Variants in FAM120B observed in about 807,000 individuals in gnomAD.
The protein encoded by FAM120B is family with sequence similarity 120 member B.
A neutral mutation model predicts 96.3 loss-of-function variants in FAM120B; 83 were observed. The observed-to-expected ratio is 0.86, with a 90% CI of 0.72 to 1.03. FAM120B has a LOEUF of 1.03. Among genes scored for constraint, FAM120B ranks in the 50% least tolerant of loss-of-function variants. FAM120B has a pLI of 0.00. For synonymous variants in FAM120B, 407 were observed against 402.7 expected (o/e 1.01, Z -0.13); for missense variants, 1,027 against 1,121.2 (o/e 0.92, Z 1.20).
chr6:170,399,946 G>GA, intron 9 of FAM120B, among the ~76,000 whole-genome samples: 2 of 102,538 alleles, frequency 2.0e-5, no homozygotes. Context: ...AGGAGTGAGT[G>GA]GGGAAGGTAG....
chr6:170,355,170 A>G (rs569930553), intron 5 of FAM120B, among the ~76,000 whole-genome samples: 1 of 152,344 alleles, frequency 6.6e-6, no homozygotes, highest in South Asian at 2.1e-4. Context: ...GTGATTCCTC[A>G]GAGACCTAGA....
intron 6 of FAM120B, among the ~76,000 whole-genome samples, chr6:170,384,561 A>C (rs1226168643): frequency 6.6e-6 from 1 of 152,222 alleles, no homozygotes; most frequent in Non-Finnish European, 1.5e-5. Flanking sequence ...ACATTTGAGA[A>C]GAAAGGTCAG....
At chr6:170,333,853 C>A (rs1786235308) in intron 4 of FAM120B, among the ~76,000 whole-genome samples, 1 of 151,322 alleles carries the variant, frequency 6.6e-6, no homozygotes, top group African/African-American at 2.5e-5. Context: ...CATTTCATTT[C>A]TTTTACAATA....
intron 6 of FAM120B, among the ~76,000 whole-genome samples, chr6:170,387,972 A>G (rs1026646276): frequency 3.9e-5 from 6 of 152,162 alleles, no homozygotes; most frequent in Non-Finnish European, 8.8e-5. Flanking sequence ...CTGGGAGGCA[A>G]GAGACACTGT....
At chr6:170,323,714 G>C (rs966651711) in intron 3 of FAM120B, among the ~76,000 whole-genome samples, 3 of 152,034 alleles carry the variant, frequency 2.0e-5, no homozygotes, top group Non-Finnish European at 4.4e-5. Context: ...TTTTCCTTTG[G>C]TGTTTTTGTA....
At chr6:170,401,512 C>T (rs969763450) in intron 9 of FAM120B, among the ~76,000 whole-genome samples, 6 of 152,066 alleles carry the variant, frequency 3.9e-5, no homozygotes, top group African/African-American at 1.4e-4. Flanking sequence ...ACAGAAAGGG[C>T]CAGGGAGCAG....
chr6:170,405,439 G>A lies in FAM120B; in HGVS notation c.*688G>A, dbSNP rs1778771831. ...GGTCAGAGAAGCTGGATGAGGGGCT[G>A]ATTCATGTCCTGGGCATGACAGAGC... On this transcript the variant is annotated 3_prime_UTR_variant, in exon 11 of 11. Transcript: ENST00000476287. 6.6e-6 allele frequency: 1 copy of A among 152,212 alleles called. No homozygotes were observed. Among genetic ancestry groups the A allele is most frequent in the Non-Finnish European group, 1.5e-5 (1 of 68,040 alleles). The allele number at this position is 152,212 out of a possible 1,614,324, so 9.4% of individuals were successfully genotyped here.
chr6:170,361,255 C>CAT lies in FAM120B; in HGVS notation c.2283+2937_2283+2938insAT, dbSNP rs1562567456. Among the ~76,000 whole-genome samples, 127 of 50,502 alleles carry CAT rather than the reference C, an allele frequency of 2.5e-3. 5 individuals are homozygous for CAT. The East Asian group carries it at 0.033, about 13-fold the overall frequency. 33.1% of individuals were successfully genotyped at this position (50,502 alleles called of 152,430 possible). A position where few individuals can be genotyped will look rare whatever the true frequency, so the allele number is the denominator to read the frequency against. On this transcript the variant is annotated intron_variant, in intron 6 of 10. Transcript: ENST00000476287. ...ATATATACACGTATATATATATATACGTGTATATATATAGTTACATACATA... is the reference window on the plus strand; with the variant it reads ...ATATATACACGTATATATATATATACATGTGTATATATATAGTTACATACATA...
intron 7 of FAM120B, among the ~76,000 whole-genome samples, chr6:170,389,154 G>A (rs911046657): frequency 6.6e-6 from 1 of 152,160 alleles, no homozygotes; most frequent in African/African-American, 2.4e-5. Flanking sequence ...AACCCATGTT[G>A]TTCAAGGGTC....
At chr6:170,296,605 C>G (rs1371715310) in intron 1 of FAM120B, among the ~76,000 whole-genome samples, 1 of 151,786 alleles carries the variant, frequency 6.6e-6, no homozygotes, top group Non-Finnish European at 1.5e-5. Context: ...GAGGCGACGG[C>G]GCACACCTCG....
intron 9 of FAM120B, among the ~76,000 whole-genome samples, chr6:170,400,998 G>T (rs147556328): frequency 6.6e-6 from 1 of 152,216 alleles, no homozygotes; most frequent in Non-Finnish European, 1.5e-5. Context: ...CCCTTCCTTG[G>T]ATTGACAGGA....
In FAM120B at chr6:170,295,869, C is replaced by G. The variant is rs2114974461; in HGVS notation, c.48+416C>G. On this transcript the variant is annotated intron_variant, in intron 1 of 10. Transcript: ENST00000537664. The surrounding 1 kb of genome is among the most constrained non-coding windows in gnomAD (Gnocchi z 7.8). ...CGTGCGTGGAGCCCGGGGCCGAGGCCAGGCCCGCTGCGAGCAGCGGAGGCA... is the reference window on the plus strand; with the variant it reads ...CGTGCGTGGAGCCCGGGGCCGAGGCGAGGCCCGCTGCGAGCAGCGGAGGCA... 6.6e-6 allele frequency among the ~76,000 whole-genome samples: 1 copy of G among 152,196 alleles called. No homozygotes were observed. Among genetic ancestry groups the G allele is most frequent in the East Asian group, 1.9e-4 (1 of 5,134 alleles).
intron 3 of FAM120B, among the ~76,000 whole-genome samples, chr6:170,328,038 A>G (rs28416827): frequency 0.13 from 20,048 of 152,234 alleles, 1,474 homozygotes; most frequent in East Asian, 0.31. Context: ...TTCAAAAAAT[A>G]TTTCTTTCCT....
At chr6:170,327,648 C>T (rs1479452046) in intron 3 of FAM120B, among the ~76,000 whole-genome samples, 2 of 150,376 alleles carry the variant, frequency 1.3e-5, no homozygotes, top group Admixed American at 1.3e-4. Context: ...TCCGGTGAGT[C>T]CATGAGTGAG....
Position 170,404,565 on chromosome 6 carries a change from A to C in FAM120B, c.2708A>C (p.Glu903Ala), listed in dbSNP as rs746351508. ...TTTACTGCAGGAAGCAGACAGTATG[A>C]GCATGACCAGTGGAGAAGGTACTAG... The part of the protein sequence containing the change: ...RDQGPGSRQY[E>A]HDQWRRY The change falls in exon 10 of 11, where the codon GAG becomes GCG. Residue 903 changes from glutamate to alanine, a missense_variant. Physicochemically the swap from Glu to Ala is moderately radical, Grantham distance 107. Around this residue, in one of 3 missense-constraint regions of FAM120B, gnomAD observed 142 missense variants for 122.5 expected, o/e 1.16. Coordinates refer to ENST00000476287, the MANE Select transcript of FAM120B (RefSeq NM_032448.3). 18 of 1,613,932 alleles carry C rather than the reference A, an allele frequency of 1.1e-5. No homozygotes were observed. In the Admixed American group the frequency reaches 3.0e-4, roughly 27 times the overall value.
At chr6:170,377,487 T>C (rs6911824) in intron 6 of FAM120B, among the ~76,000 whole-genome samples, 1 of 886 alleles carries the variant, frequency 1.1e-3, no homozygotes, top group Admixed American at 9.6e-3. Context: ...TAATCCCAGA[T>C]GCCTGGGAGA....
At chr6:170,362,022 G>A (rs531318230) in intron 6 of FAM120B, among the ~76,000 whole-genome samples, 2 of 152,260 alleles carry the variant, frequency 1.3e-5, no homozygotes, top group African/African-American at 4.8e-5. Flanking sequence ...TTGAACTCCT[G>A]ACCTCAAGTG....
chr6:170,384,444 G>A (rs761255794), intron 6 of FAM120B, among the ~76,000 whole-genome samples: 1 of 152,196 alleles, frequency 6.6e-6, no homozygotes, highest in Admixed American at 6.5e-5. Context: ...GAAATTAAAA[G>A]TTTTAGGACA....
rs1785122421 is a variant in FAM120B, at chr6:170,319,038, C to G, written c.1648C>G (p.Pro550Ala). 1 of 1,609,246 alleles carries G rather than the reference C, an allele frequency of 6.2e-7. No individual in the cohort carries two copies. Among genetic ancestry groups the G allele is most frequent in the South Asian group, 1.1e-5 (1 of 90,134 alleles). Residue 550 changes from proline to alanine, a missense_variant, in exon 2 of 11, where the codon CCT (proline) becomes GCT (alanine). This residue lies in a region of FAM120B where 880 missense variants were observed against 980.9 expected (regional missense o/e 0.90). Coordinates refer to ENST00000476287, the MANE Select transcript of FAM120B (RefSeq NM_032448.3). Reference sequence around the variant, plus strand: ...GCTAGAAGCTCTCATGTGTACAAACCCTGAAATTAAACAAGAAGACCCCAC... The same window carrying G: ...GCTAGAAGCTCTCATGTGTACAAACGCTGAAATTAAACAAGAAGACCCCAC... The part of the protein sequence containing the change: ...FKLEALMCTN[P>A]EIKQEDPTNV...
Sources: allele counts gnomAD v4.1 joint callset (sites outside exome capture counted in the v4.1 genomes callset), GRCh38; gene constraint gnomAD v4.1.1; regional missense constraint gnomAD v4.1.1; non-coding constraint Gnocchi (gnomAD v3.1); transcripts MANE v1.5; gene names NCBI Gene and HGNC (gene_info 2026-07-23, HGNC 2026-07-21).